Variants in CACNA1E observed in about 807,000 individuals in gnomAD.
CACNA1E encodes calcium voltage-gated channel subunit alpha1 E.
In CACNA1E, 40 loss-of-function variants were observed where a neutral mutation model predicts 259.2. That is an observed-to-expected ratio of 0.15 (90% CI 0.12 to 0.20). CACNA1E has a LOEUF of 0.20. Ranked by LOEUF, CACNA1E falls within the 10% of genes least tolerant of loss-of-function variation. CACNA1E has a pLI of 1.00. For missense variants in CACNA1E, 1,874 were observed against 3,040.1 expected, an observed-to-expected ratio of 0.62 and a Z score of 9.02; for synonymous variants, 1,104 against 1,138.5, an observed-to-expected ratio of 0.97 and a Z score of 0.61.
intron 1 of CACNA1E, among the ~76,000 whole-genome samples, chr1:181,502,605 C>G (rs1315541781): frequency 1.3e-5 from 2 of 152,226 alleles, no homozygotes; most frequent in Non-Finnish European, 2.9e-5. Context: ...ATACTGACTT[C>G]TACTTTATGC....
At chr1:181,578,436 T>C (rs531964173) in intron 4 of CACNA1E, among the ~76,000 whole-genome samples, 35 of 152,238 alleles carry the variant, frequency 2.3e-4, no homozygotes, top group African/African-American at 8.2e-4. Context: ...GCATGGCAGC[T>C]CACTCCTGTA....
rs1662565605 is a variant in CACNA1E, at chr1:181,805,455, G to A, written c.*6621G>A. On this transcript the variant is annotated 3_prime_UTR_variant, in exon 48 of 48. Coordinates refer to ENST00000367573, the MANE Select transcript of CACNA1E (RefSeq NM_001205293.3). ...AGAATAAAGGTAATATGAAATGAGG[G>A]CTAAACAATGTAATATAACTGCCAG... is the stretch of plus-strand genomic sequence containing the variant. The A allele has an allele frequency of 6.6e-6, 1 of 152,160 alleles. No homozygotes were observed. Among genetic ancestry groups the A allele is most frequent in the Non-Finnish European group, 1.5e-5 (1 of 68,026 alleles). The allele number at this position is 152,160 out of a possible 1,614,324, so 9.4% of individuals were successfully genotyped here. A position where few individuals can be genotyped will look rare whatever the true frequency, so the allele number is the denominator to read the frequency against.
intron 7 of CACNA1E, among the ~76,000 whole-genome samples, chr1:181,676,516 G>A (rs1649395236): frequency 6.6e-6 from 1 of 151,984 alleles, no homozygotes; most frequent in African/African-American, 2.4e-5. Context: ...GACTATCTAG[G>A]GTGTACATTA....
chr1:181,345,452 G>T (rs1159497221), intron 1 of CACNA1E, among the ~76,000 whole-genome samples: 1 of 152,206 alleles, frequency 6.6e-6, no homozygotes, highest in Non-Finnish European at 1.5e-5. Context: ...GGGGGGCCAG[G>T]GGGCTGCGCC....
Position 181,793,751 on chromosome 1 carries a change from T to C in CACNA1E, c.5985T>C (p.Ser1995=). ...CGGACACCCAGGAGCATGCGGGATC[T>C]GGGAGGGCATCTTCTATGCCACGTC... The part of the protein sequence containing the change: ...LPSDTQEHAG[S]GRASSMPRLT... Residue 1995 remains serine (S), a synonymous_variant, in exon 45 of 48, where the codon TCT becomes TCC. Transcript: ENST00000367573. 4 of 1,611,846 alleles carry C rather than the reference T, an allele frequency of 2.5e-6. No individual in the cohort carries two copies. Among genetic ancestry groups the C allele is most frequent in the Non-Finnish European group, 3.4e-6 (4 of 1,179,470 alleles).
chr1:181,677,459 T>A (rs1222308644), intron 7 of CACNA1E, among the ~76,000 whole-genome samples: 1 of 152,180 alleles, frequency 6.6e-6, no homozygotes, highest in East Asian at 1.9e-4. Flanking sequence ...CTTCAAGACA[T>A]CCAGCAATTC....
At chr1:181,408,238 G>A (rs1657604723) in intron 1 of CACNA1E, among the ~76,000 whole-genome samples, 1 of 152,114 alleles carries the variant, frequency 6.6e-6, no homozygotes, top group African/African-American at 2.4e-5. Flanking sequence ...ATGTTCTGGA[G>A]GAATCAGAAA....
At chr1:181,512,569 G>A (rs1311952450) in intron 3 of CACNA1E, among the ~76,000 whole-genome samples, 3 of 152,186 alleles carry the variant, frequency 2.0e-5, no homozygotes, top group Non-Finnish European at 4.4e-5. Context: ...AGAAGGAAGG[G>A]TAAGGGCTTG....
rs74905214 is a variant in CACNA1E, at chr1:181,675,185, G to A, written c.1055+23744G>A. On this transcript the variant is annotated intron_variant, in intron 7 of 47. Transcript: ENST00000367573. ...ATGACAAATAAGACACAGCATGTTC[G>A]TGGTTTATATAAGCAGGAAGGAATA... is the stretch of plus-strand genomic sequence containing the variant. 3.4e-3 allele frequency among the ~76,000 whole-genome samples: 522 copies of A among 152,256 alleles called. 2 individuals carry two copies. The highest frequency in any genetic ancestry group is 0.01 in the African/African-American group (435 of 41,536).
chr1:181,582,165 C>T (rs890111912), intron 6 of CACNA1E, among the ~76,000 whole-genome samples: 1 of 152,216 alleles, frequency 6.6e-6, no homozygotes, highest in Admixed American at 6.5e-5. Flanking sequence ...AGAAAAGAGT[C>T]ACTGGCTATT....
chr1:181,768,397 C>T (rs565458977), intron 35 of CACNA1E, among the ~76,000 whole-genome samples: 3 of 152,054 alleles, frequency 2.0e-5, no homozygotes, highest in Non-Finnish European at 4.4e-5. Context: ...AATGTGAAAA[C>T]GTTTATAGGT....
intron 16 of CACNA1E, 39 bp from the exon 17 acceptor site, chr1:181,724,431 T>C: frequency 1.3e-6 from 2 of 1,571,144 alleles, no homozygotes; most frequent in Non-Finnish European, 1.7e-6. Context: ...TGAAGACTTT[T>C]GCTTTTCTTA....
At chr1:181,592,033 T>C (rs1248383770) in intron 6 of CACNA1E, among the ~76,000 whole-genome samples, 1 of 152,224 alleles carries the variant, frequency 6.6e-6, no homozygotes, top group Non-Finnish European at 1.5e-5. Flanking sequence ...TTGCCAACCT[T>C]GAGTGTACAC....
chr1:181,438,842 C>A (rs532157241), intron 2 of CACNA1E, among the ~76,000 whole-genome samples: 226 of 152,294 alleles, frequency 1.5e-3, no homozygotes, highest in Non-Finnish European at 1.8e-3. Context: ...TAGATAAATT[C>A]TGAAAAGATG....
At chr1:181,639,610 C>T (rs183221750) in intron 6 of CACNA1E, among the ~76,000 whole-genome samples, 1 of 152,210 alleles carries the variant, frequency 6.6e-6, no homozygotes, top group Non-Finnish European at 1.5e-5. Flanking sequence ...TTCCTACATT[C>T]CACCCTAATG....
At chr1:181,668,694 A>G (rs947993533) in intron 7 of CACNA1E, 6 of 152,148 alleles carry the variant, frequency 3.9e-5, no homozygotes, top group African/African-American at 1.4e-4. Context: ...ATTAATAAGT[A>G]TCTTATTAAT....
chr1:181,798,756 C>T lies in CACNA1E; in HGVS notation c.6864C>T (p.Arg2288=), dbSNP rs768838447. The T allele has an allele frequency of 3.6e-5, 57 of 1,601,926 alleles. No individual in the cohort carries two copies. The highest frequency in any genetic ancestry group is 1.7e-4 in the Middle Eastern group (1 of 6,034). Residue 2288 remains arginine, a synonymous_variant, in exon 48 of 48, where the codon CGC becomes CGT. Transcript: ENST00000367573. The surrounding 1 kb of genome is among the most constrained non-coding windows in gnomAD (Gnocchi z 4.2). Reference sequence around the variant, plus strand: ...ACGGGCACTATCGGCGGCGGAGGCGCGGGGGGCCTGGGCCAGGCATGATGT... The same window carrying T: ...ACGGGCACTATCGGCGGCGGAGGCGTGGGGGGCCTGGGCCAGGCATGATGT... The part of the protein sequence containing the change: ...MPNGHYRRRR[R]GGPGPGMMCG...
intron 16 of CACNA1E, 100 bp downstream of exon 16, chr1:181,721,975 A>C (rs1654451684): frequency 3.8e-6 from 3 of 788,578 alleles, no homozygotes; most frequent in Non-Finnish European, 2.3e-6. Context: ...GGTTGGTGGG[A>C]CAGGGGCGTG....
intron 6 of CACNA1E, among the ~76,000 whole-genome samples, chr1:181,604,560 C>A (rs1654053792): frequency 6.6e-6 from 1 of 152,182 alleles, no homozygotes; most frequent in African/African-American, 2.4e-5. Flanking sequence ...CAGTGCCAGG[C>A]CTCACACTGC....
Sources: allele counts gnomAD v4.1 joint callset (sites outside exome capture counted in the v4.1 genomes callset), GRCh38; gene constraint gnomAD v4.1.1; non-coding constraint Gnocchi (gnomAD v3.1); transcripts MANE v1.5; gene names NCBI Gene and HGNC (gene_info 2026-07-23, HGNC 2026-07-21).